Variants in USP37 observed in about 807,000 individuals in gnomAD.
The protein encoded by USP37 is ubiquitin carboxyl-terminal hydrolase 37.
In USP37, 27 loss-of-function variants were observed where a neutral mutation model predicts 124.0. The observed-to-expected ratio is 0.22, with a 90% CI of 0.16 to 0.30. USP37 has a LOEUF of 0.30. USP37 is among the 10% of genes least tolerant of loss of function. The pLI, the probability that USP37 is intolerant of heterozygous loss-of-function variation, is 1.00. For synonymous variants in USP37, 365 were observed against 388.0 expected, an observed-to-expected ratio of 0.94 and a Z score of 0.70; for missense variants, 889 against 1,140.4, an observed-to-expected ratio of 0.78 and a Z score of 3.17.
intron 23 of USP37, 111 bp downstream of exon 23, chr2:218,459,679 A>AT: frequency 1.3e-6 from 1 of 784,052 alleles, no homozygotes; most frequent in Non-Finnish European, 2.0e-6. Flanking sequence ...ATGGCTACTG[A>AT]AAGGGCCAAA....
intron 22 of USP37, among the ~76,000 whole-genome samples, chr2:218,461,514 A>G (rs969600290): frequency 4.0e-5 from 6 of 151,828 alleles, no homozygotes; most frequent in Non-Finnish European, 5.9e-5. Context: ...CTCAAAAGAA[A>G]AAAAAAAGAA....
chr2:218,483,531 A>G (rs1041789833), intron 16 of USP37, among the ~76,000 whole-genome samples: 1 of 152,016 alleles, frequency 6.6e-6, no homozygotes, highest in Non-Finnish European at 1.5e-5. Context: ...GGATTTGACA[A>G]ACAGAAGCTT....
At chr2:218,459,088 A>C (rs1689863225) in intron 23 of USP37, among the ~76,000 whole-genome samples, 1 of 151,922 alleles carries the variant, frequency 6.6e-6, no homozygotes, top group Admixed American at 6.6e-5. Flanking sequence ...GTTAAAAAAA[A>C]AAAAACAGTT....
At chr2:218,455,137 CCTGT>C in intron 25 of USP37, 120 bp from the exon 26 acceptor site, 1 of 1,178,416 alleles carries the variant, frequency 8.5e-7, no homozygotes, top group Non-Finnish European at 1.2e-6. Flanking sequence ...CCATTTCATG[CCTGT>C]ATTTTATTTA....
At chr2:218,476,019 A>G (rs1201290102) in intron 19 of USP37, among the ~76,000 whole-genome samples, 2 of 152,180 alleles carry the variant, frequency 1.3e-5, no homozygotes, top group Admixed American at 6.5e-5. Flanking sequence ...AACAACCACA[A>G]ACTACCTCTG....
At chr2:218,477,553 G>A (rs1161056954) in intron 18 of USP37, among the ~76,000 whole-genome samples, 1 of 152,104 alleles carries the variant, frequency 6.6e-6, no homozygotes, top group Non-Finnish European at 1.5e-5. Flanking sequence ...ATAAAATAGT[G>A]TATCAAGTTC....
intron 13 of USP37, among the ~76,000 whole-genome samples, chr2:218,496,752 G>A (rs1242946896): frequency 6.6e-6 from 1 of 151,970 alleles, no homozygotes; most frequent in East Asian, 1.9e-4. Context: ...GGGTTCAACC[G>A]ATTATCCTGC....
intron 14 of USP37, among the ~76,000 whole-genome samples, chr2:218,490,505 T>C (rs113452318): frequency 3.5e-4 from 54 of 152,356 alleles, no homozygotes; most frequent in African/African-American, 1.2e-3. Context: ...TTCTTTTAAA[T>C]AGCTTTAGCT....
At chr2:218,487,597 T>C (rs1474688501) in intron 15 of USP37, among the ~76,000 whole-genome samples, 1 of 152,000 alleles carries the variant, frequency 6.6e-6, no homozygotes, top group Non-Finnish European at 1.5e-5. Flanking sequence ...TTTTTTGTAT[T>C]TTTAGTAGAG....
rs1653430344 is a variant in USP37, at chr2:218,476,833, T to C, written c.2043+7A>G. 2 of 1,591,402 alleles carry C rather than the reference T, an allele frequency of 1.3e-6. No homozygotes were observed. Among genetic ancestry groups the C allele is most frequent in the South Asian group, 2.3e-5 (2 of 86,416 alleles). On this transcript the variant is annotated splice_region_variant and intron_variant, in intron 19 of 25. Coordinates refer to ENST00000258399, the MANE Select transcript of USP37 (RefSeq NM_020935.3). ...TTTGTCAGATGTTTTAAGAAAATAT[T>C]ACTTACTTTTTCCAGGTCTTCCTGC...
At chr2:218,556,447 G>C (rs1692977820) in intron 4 of USP37, among the ~76,000 whole-genome samples, 2 of 150,372 alleles carry the variant, frequency 1.3e-5, no homozygotes, top group Admixed American at 1.3e-4. Flanking sequence ...TGTTACCTCA[G>C]GATCTTTGTA....
At position 218,487,157 on chromosome 2, in the gene USP37, C is replaced by T. The variant is rs372737518; in HGVS notation, c.1590+1147G>A. 2.0e-5 allele frequency among the ~76,000 whole-genome samples: 3 copies of T among 152,306 alleles called. No individual in the cohort carries two copies. The East Asian group carries it at 5.8e-4, about 29-fold the overall frequency. ...CACTAGTTTATAAGGACTGCTATAA[C>T]AACAGTCTGATTATGCCCCAGAAAC... is the stretch of plus-strand genomic sequence containing the variant. On this transcript the variant is annotated intron_variant, in intron 15 of 25. Coordinates refer to ENST00000258399, the MANE Select transcript of USP37 (RefSeq NM_020935.3).
intron 1 of USP37, among the ~76,000 whole-genome samples, chr2:218,566,568 G>A (rs10498060): frequency 0.18 from 27,371 of 152,190 alleles, 3,307 homozygotes; most frequent in Non-Finnish European, 0.26. Context: ...CCAGATAGAA[G>A]AGTATTGAGT....
chr2:218,558,662 T>C lies in USP37; in HGVS notation c.-9A>G. The C allele has an allele frequency of 6.3e-7, 1 of 1,584,098 alleles. No individual in the cohort carries two copies. The highest frequency in any genetic ancestry group is 1.2e-5 in the South Asian group (1 of 86,038). ...ATCTTCAGAGGAGACATATTTTCTT[T>C]AAAAATTGCTTCTGGCTAAATTAAA... On this transcript the variant is annotated 5_prime_UTR_variant, in exon 4 of 26. Coordinates refer to ENST00000258399, the MANE Select transcript of USP37 (RefSeq NM_020935.3).
At chr2:218,526,343 T>C (rs1446927791) in intron 10 of USP37, among the ~76,000 whole-genome samples, 2 of 152,110 alleles carry the variant, frequency 1.3e-5, no homozygotes, top group African/African-American at 4.8e-5. Context: ...GTGATTCTCC[T>C]GCTTCAGTCT....
At chr2:218,467,241 T>C (rs1057118462) in intron 20 of USP37, among the ~76,000 whole-genome samples, 5 of 148,580 alleles carry the variant, frequency 3.4e-5, no homozygotes, top group African/African-American at 4.9e-5. Flanking sequence ...CTCCACCTCT[T>C]TCAGGCAATT....
At chr2:218,542,694 G>C (rs760298554) in intron 8 of USP37, among the ~76,000 whole-genome samples, 5 of 152,124 alleles carry the variant, frequency 3.3e-5, no homozygotes, top group Non-Finnish European at 7.3e-5. Context: ...AGAATAGCTG[G>C]GAGCATCTTT....
chr2:218,537,251 C>T lies in USP37; in HGVS notation c.681-2545G>A, dbSNP rs9789549. Among the ~76,000 whole-genome samples, 54 of 152,280 alleles carry T rather than the reference C, an allele frequency of 3.5e-4. No homozygotes were observed. In the East Asian group the frequency reaches 0.01, roughly 29 times the overall value. ...GGCTAGTCCTGTGATTTCCTTTTCC[C>T]AAAACAATGTGACAGAAGTTAACAG... is the stretch of plus-strand genomic sequence containing the variant. On this transcript the variant is annotated intron_variant, in intron 8 of 25. Transcript: ENST00000258399.
chr2:218,519,661 C>G (rs667251), intron 10 of USP37, among the ~76,000 whole-genome samples: 100,252 of 151,370 alleles, frequency 0.66, 33,658 homozygotes, highest in East Asian at 0.9. Flanking sequence ...TTCTGAGACA[C>G]AGTCTCCCTC....
Sources: gnomAD v4.1 joint callset for allele counts (sites outside exome capture counted in the v4.1 genomes callset) on GRCh38, gnomAD v4.1.1 for gene constraint, MANE v1.5 for transcripts, NCBI Gene and HGNC (gene_info 2026-07-23, HGNC 2026-07-21) for gene names.